The following ST6GALNAC3 variants were observed in gnomAD, a reference collection of about 807,000 sequenced individuals.
The protein encoded by ST6GALNAC3 is ST6 N-acetylgalactosaminide alpha-2,6-sialyltransferase 3.
In ST6GALNAC3, 25 loss-of-function variants were observed where a neutral mutation model predicts 32.7. The observed-to-expected ratio is 0.76, with a 90% CI of 0.56 to 1.07. ST6GALNAC3 has a LOEUF of 1.07. Ranked by LOEUF, ST6GALNAC3 falls within the 50% of genes least tolerant of loss-of-function variation. ST6GALNAC3 has a pLI of 0.00. For missense variants in ST6GALNAC3, 355 were observed against 382.4 expected (o/e 0.93, Z 0.60); for synonymous variants, 129 against 133.1 (o/e 0.97, Z 0.21).
At chr1:76,463,453 G>A (rs767834397) in intron 3 of ST6GALNAC3, among the ~76,000 whole-genome samples, 13 of 152,038 alleles carry the variant, frequency 8.6e-5, no homozygotes, top group African/African-American at 1.9e-4. Flanking sequence ...GTCTATTTTC[G>A]TATTTCTCTA....
At chr1:76,306,429 G>A (rs1039417035) in intron 1 of ST6GALNAC3, among the ~76,000 whole-genome samples, 2 of 152,022 alleles carry the variant, frequency 1.3e-5, no homozygotes, top group Non-Finnish European at 2.9e-5. Flanking sequence ...TTAAAAAAAA[G>A]TTTAAAAGTA....
At position 76,629,764 on chromosome 1, in the gene ST6GALNAC3, C is replaced by CA; in HGVS notation, c.*960dup. The stretch of plus-strand genomic sequence containing the variant: ...GAGACAGCAAAGCATATTTTTACAT[C>CA]AATTTGTATCCTATCATACTTCATA... On this transcript the variant is annotated 3_prime_UTR_variant, in exon 5 of 5. Transcript: ENST00000328299. 2.1e-6 allele frequency: 2 copies of CA among 974,178 alleles called. No individual in the cohort carries two copies. The highest frequency in any genetic ancestry group is 2.4e-6 in the Non-Finnish European group (2 of 819,450). The allele number at this position is 974,178 out of a possible 1,614,324, so 60.3% of individuals were successfully genotyped here. A position where few individuals can be genotyped will look rare whatever the true frequency, so the allele number is the denominator to read the frequency against.
chr1:76,457,490 A>C (rs1657914688), intron 3 of ST6GALNAC3, among the ~76,000 whole-genome samples: 1 of 151,098 alleles, frequency 6.6e-6, no homozygotes, highest in Non-Finnish European at 1.5e-5. Context: ...GTAACCAACT[A>C]TACTACAAGT....
chr1:76,247,267 G>C (rs1657319491), intron 1 of ST6GALNAC3, among the ~76,000 whole-genome samples: 1 of 152,200 alleles, frequency 6.6e-6, no homozygotes, highest in African/African-American at 2.4e-5. Flanking sequence ...TCACAGTCAG[G>C]AGACACAGGG....
chr1:76,358,482 A>G (rs1003185941), intron 2 of ST6GALNAC3, among the ~76,000 whole-genome samples: 33 of 152,206 alleles, frequency 2.2e-4, no homozygotes, highest in African/African-American at 7.9e-4. Flanking sequence ...TCCATTTCCA[A>G]GCCTCTAGTT....
In ST6GALNAC3 at chr1:76,281,998, G is replaced by C. The variant is rs1232905376; in HGVS notation, c.19-31807G>C. On this transcript the variant is annotated intron_variant, in intron 1 of 4. Coordinates refer to ENST00000328299, the MANE Select transcript of ST6GALNAC3 (RefSeq NM_152996.4). ...GATTGTCATGAAAAAGACAAATGGAGAAGGTGGGATGCATGAAAAATAGAC... is the reference window on the plus strand; with the variant it reads ...GATTGTCATGAAAAAGACAAATGGACAAGGTGGGATGCATGAAAAATAGAC... 2.6e-5 allele frequency among the ~76,000 whole-genome samples: 4 copies of C among 152,164 alleles called. 1 individual carries two copies. Among genetic ancestry groups the C allele is most frequent in the Non-Finnish European group, 5.9e-5 (4 of 68,030 alleles).
At chr1:76,388,962 G>T (rs1652308113) in intron 2 of ST6GALNAC3, among the ~76,000 whole-genome samples, 1 of 148,666 alleles carries the variant, frequency 6.7e-6, no homozygotes, top group South Asian at 2.1e-4. Flanking sequence ...TCCTCCTAAG[G>T]TTGGTGTGGT....
intron 2 of ST6GALNAC3, among the ~76,000 whole-genome samples, chr1:76,358,593 T>C (rs1649681501): frequency 6.6e-6 from 1 of 152,166 alleles, no homozygotes; most frequent in Non-Finnish European, 1.5e-5. Context: ...AAAACTAGGC[T>C]ACCCCCATCC....
Position 76,596,136 on chromosome 1 carries a change from T to C in ST6GALNAC3, c.624-31316T>C, listed in dbSNP as rs181209390. 4.4e-4 allele frequency among the ~76,000 whole-genome samples: 67 copies of C among 152,280 alleles called. No homozygotes were observed. In the Middle Eastern group the frequency reaches 0.01, roughly 23 times the overall value. ...AGACAAACATATGAAATGTGGACCT[T>C]GTGTATTAACATGAAGCCTGGAAGA... is the stretch of plus-strand genomic sequence containing the variant. On this transcript the variant is annotated intron_variant, in intron 3 of 4. Transcript: ENST00000328299.
At chr1:76,574,851 C>T (rs190729090) in intron 3 of ST6GALNAC3, among the ~76,000 whole-genome samples, 141 of 152,198 alleles carry the variant, frequency 9.3e-4, no homozygotes, top group African/African-American at 3.2e-3. Flanking sequence ...ATCTGCCACT[C>T]GCTTGTCAGC....
intron 2 of ST6GALNAC3, among the ~76,000 whole-genome samples, chr1:76,315,734 A>G (rs1646852670): frequency 1.3e-5 from 2 of 152,106 alleles, no homozygotes; most frequent in African/African-American, 4.8e-5. Context: ...CCTTAACCTC[A>G]GAGCCCCAAT....
At chr1:76,517,618 T>C (rs1662251048) in intron 3 of ST6GALNAC3, among the ~76,000 whole-genome samples, 1 of 151,974 alleles carries the variant, frequency 6.6e-6, no homozygotes, top group African/African-American at 2.4e-5. Context: ...CAACTTTGTT[T>C]TACTTTCTTT....
chr1:76,627,114 C>T (rs1040926630), intron 3 of ST6GALNAC3, among the ~76,000 whole-genome samples: 3 of 151,862 alleles, frequency 2.0e-5, no homozygotes, highest in Non-Finnish European at 4.4e-5. Flanking sequence ...CTCTGATAGA[C>T]AGGACTAATT....
intron 2 of ST6GALNAC3, among the ~76,000 whole-genome samples, chr1:76,366,694 C>G (rs563324528): frequency 9.8e-6 from 1 of 101,800 alleles, no homozygotes; most frequent in Non-Finnish European, 2.0e-5. Context: ...GTAAAAACTG[C>G]CTCACATGTC....
chr1:76,494,745 A>ACG (rs1264255977), intron 3 of ST6GALNAC3, among the ~76,000 whole-genome samples: 2 of 145,216 alleles, frequency 1.4e-5, no homozygotes, highest in Admixed American at 1.4e-4. Context: ...ATGTGTATGC[A>ACG]CACACACACA....
intron 3 of ST6GALNAC3, among the ~76,000 whole-genome samples, chr1:76,454,038 CTG>C (rs1657592560): frequency 6.6e-6 from 1 of 152,110 alleles, no homozygotes; most frequent in African/African-American, 2.4e-5. Context: ...TGATGCCTCT[CTG>C]TGTATTTTTT....
chr1:76,573,619 T>G lies in ST6GALNAC3; in HGVS notation c.624-53833T>G, dbSNP rs185296667. 2.5e-3 allele frequency among the ~76,000 whole-genome samples: 378 copies of G among 151,882 alleles called. 1 individual carries two copies. The highest frequency in any genetic ancestry group is 4.7e-3 in the Admixed American group (72 of 15,222). Reference sequence around the variant, plus strand: ...ATGCTTGTAGAGATGTTCATCCAATTTGAATGAACATGTAGCCAAGGTAGT... The same window carrying G: ...ATGCTTGTAGAGATGTTCATCCAATGTGAATGAACATGTAGCCAAGGTAGT... On this transcript the variant is annotated intron_variant, in intron 3 of 4. Transcript: ENST00000328299.
chr1:76,287,522 G>C (rs1392393912), intron 1 of ST6GALNAC3, among the ~76,000 whole-genome samples: 1 of 151,448 alleles, frequency 6.6e-6, no homozygotes, highest in East Asian at 2.0e-4. Context: ...CAATTACTTT[G>C]GATTCATTTT....
At chr1:76,098,599 T>A (rs963913278) in intron 1 of ST6GALNAC3, among the ~76,000 whole-genome samples, 1 of 140,214 alleles carries the variant, frequency 7.1e-6, no homozygotes, top group Non-Finnish European at 1.6e-5. Context: ...ATTAGTCTTT[T>A]CCCCATTTAA....
Sources: gnomAD v4.1 joint callset for allele counts (sites outside exome capture counted in the v4.1 genomes callset) on GRCh38, gnomAD v4.1.1 for gene constraint, MANE v1.5 for transcripts, NCBI Gene and HGNC (gene_info 2026-07-23, HGNC 2026-07-21) for gene names.